KCNIP3: variants seen among roughly 807,000 people sequenced by gnomAD.
KCNIP3 encodes calsenilin.
Under a neutral mutation model 35.0 loss-of-function variants are expected in KCNIP3, and 28 were observed. The ratio of observed to expected loss-of-function variants is 0.80; its 90% CI spans 0.59 to 1.10. The LOEUF is 1.10. Among genes scored for constraint, KCNIP3 ranks in the 50% least tolerant of loss-of-function variants. KCNIP3 has a pLI of 0.00. For synonymous variants in KCNIP3, 134 were observed against 133.8 expected, an observed-to-expected ratio of 1.00 and a Z score of -0.01; for missense variants, 295 against 338.4, an observed-to-expected ratio of 0.87 and a Z score of 1.01.
At chr2:95,383,122 C>CAA in intron 7 of KCNIP3, 110 bp from the exon 8 acceptor site, 4 of 415,478 alleles carry the variant, frequency 9.6e-6, no homozygotes, top group East Asian at 5.5e-5. Context: ...CCCACCCGCC[C>CAA]ATCCACCCAC....
chr2:95,324,337 C>T (rs983626291), intron 2 of KCNIP3, among the ~76,000 whole-genome samples: 2 of 151,618 alleles, frequency 1.3e-5, no homozygotes, highest in African/African-American at 4.8e-5. Flanking sequence ...CGGTGAAACC[C>T]CGTCTCTACT....
chr2:95,337,687 A>G lies in KCNIP3; in HGVS notation c.181+27167A>G, dbSNP rs188722180. Among the ~76,000 whole-genome samples the G allele has an allele frequency of 3.2e-4, 48 of 152,288 alleles. 1 individual carries two copies. The highest frequency in any genetic ancestry group is 1.1e-3 in the African/African-American group (46 of 41,552). ...ATTTTACAGTTGCAGACATTGAGTGATGTTGAGGCTAAGTTACTTGCCCAA... is the reference window on the plus strand; with the variant it reads ...ATTTTACAGTTGCAGACATTGAGTGGTGTTGAGGCTAAGTTACTTGCCCAA... On this transcript the variant is annotated intron_variant, in intron 2 of 8. Coordinates refer to ENST00000295225, the MANE Select transcript of KCNIP3 (RefSeq NM_013434.5).
intron 2 of KCNIP3, among the ~76,000 whole-genome samples, chr2:95,342,979 T>G (rs1302320392): frequency 6.6e-6 from 1 of 151,648 alleles, no homozygotes; most frequent in Non-Finnish European, 1.5e-5. Flanking sequence ...AAGGGCACGG[T>G]CTGATTTTTG....
chr2:95,351,324 G>A (rs1303214976), intron 2 of KCNIP3, among the ~76,000 whole-genome samples: 1 of 152,258 alleles, frequency 6.6e-6, no homozygotes, highest in Non-Finnish European at 1.5e-5. Context: ...GAGCAGACTT[G>A]GGGTGCGAGG....
At chr2:95,327,759 T>C (rs1400159169) in intron 2 of KCNIP3, among the ~76,000 whole-genome samples, 1 of 152,196 alleles carries the variant, frequency 6.6e-6, no homozygotes, top group East Asian at 1.9e-4. Context: ...TCCATCCATC[T>C]GTTTGTCCAT....
chr2:95,326,083 TCATATACACATACACA>T (rs1367763208), intron 2 of KCNIP3, among the ~76,000 whole-genome samples: 4 of 95,978 alleles, frequency 4.2e-5, no homozygotes, highest in South Asian at 3.3e-4. Flanking sequence ...ACTAACACAC[TCATATACACATACACA>T]CATATACACA....
At chr2:95,357,939 CAG>C (rs988574441) in intron 2 of KCNIP3, among the ~76,000 whole-genome samples, 9 of 152,192 alleles carry the variant, frequency 5.9e-5, no homozygotes, top group African/African-American at 2.2e-4. Flanking sequence ...CAGTGTCACA[CAG>C]GGGCATGAAT....
intron 2 of KCNIP3, among the ~76,000 whole-genome samples, chr2:95,351,654 C>T (rs1427917218): frequency 6.6e-6 from 1 of 152,164 alleles, no homozygotes; most frequent in East Asian, 1.9e-4. Context: ...TGCCTGAAAC[C>T]AAAACAAATT....
intron 2 of KCNIP3, among the ~76,000 whole-genome samples, chr2:95,315,303 GAGA>G (rs1214274836): frequency 6.6e-6 from 1 of 152,180 alleles, no homozygotes; most frequent in African/African-American, 2.4e-5. Context: ...TCGGCCCAGG[GAGA>G]AGTTCTTTTA....
At chr2:95,375,822 A>G (rs556136956) in intron 5 of KCNIP3, among the ~76,000 whole-genome samples, 3 of 152,270 alleles carry the variant, frequency 2.0e-5, no homozygotes, top group Non-Finnish European at 4.4e-5. Flanking sequence ...GCGGAGCCCA[A>G]GCCTCTAAAA....
At chr2:95,361,593 C>T (rs1679800398) in intron 2 of KCNIP3, among the ~76,000 whole-genome samples, 2 of 152,218 alleles carry the variant, frequency 1.3e-5, no homozygotes, top group African/African-American at 4.8e-5. Flanking sequence ...CTCTGATTCT[C>T]CTGCCCACTC....
chr2:95,310,364 A>G lies in KCNIP3; in HGVS notation c.25A>G (p.Lys9Glu), dbSNP rs1408675716. ...CCTGTTCCTACTGCAGGAAGTGACA[A>G]AGGCGTCGGACGGCAGCCTCCTGGG... MQPAKEVT[K>E]ASDGSLLGDL... The change falls in exon 2 of 9, where the codon AAG (lysine) becomes GAG (glutamate). Residue 9 changes from lysine to glutamate, a missense_variant. Coordinates refer to ENST00000295225, the MANE Select transcript of KCNIP3 (RefSeq NM_013434.5). 5 of 1,611,432 alleles carry G rather than the reference A, an allele frequency of 3.1e-6. No individual in the cohort carries two copies. The highest frequency in any genetic ancestry group is 3.4e-6 in the Non-Finnish European group (4 of 1,178,142).
intron 2 of KCNIP3, among the ~76,000 whole-genome samples, chr2:95,322,182 A>G (rs1678612890): frequency 6.6e-6 from 1 of 152,124 alleles, no homozygotes. Context: ...TTGGGCACAC[A>G]GTGAGATCCA....
intron 2 of KCNIP3, among the ~76,000 whole-genome samples, chr2:95,359,966 G>A (rs892921730): frequency 6.6e-6 from 1 of 152,230 alleles, no homozygotes; most frequent in Admixed American, 6.5e-5. Flanking sequence ...AGAGCTCTGG[G>A]CCTGTGATGA....
intron 2 of KCNIP3, chr2:95,313,950 TACAC>T (rs1222245347): frequency 2.0e-5 from 3 of 149,764 alleles, no homozygotes; most frequent in Admixed American, 6.7e-5. Context: ...CACACACACA[TACAC>T]ACACAAGCAC....
At chr2:95,346,097 A>C (rs748824650) in intron 2 of KCNIP3, among the ~76,000 whole-genome samples, 31 of 152,232 alleles carry the variant, frequency 2.0e-4, no homozygotes, top group Non-Finnish European at 3.7e-4. Context: ...GCGCGTTTCC[A>C]GAACGGGAGA....
At chr2:95,320,362 G>A (rs913786416) in intron 2 of KCNIP3, among the ~76,000 whole-genome samples, 1 of 152,022 alleles carries the variant, frequency 6.6e-6, no homozygotes, top group African/African-American at 2.4e-5. Flanking sequence ...CCCCTTCTTT[G>A]CTTCAGGACT....
chr2:95,379,713 T>C (rs1322952380), intron 5 of KCNIP3, among the ~76,000 whole-genome samples: 1 of 152,226 alleles, frequency 6.6e-6, no homozygotes, highest in Non-Finnish European at 1.5e-5. Flanking sequence ...TCCTTCAAAG[T>C]TGGGGGTCGC....
chr2:95,326,198 C>T (rs1038672357), intron 2 of KCNIP3, among the ~76,000 whole-genome samples: 8 of 151,444 alleles, frequency 5.3e-5, no homozygotes, highest in African/African-American at 9.7e-5. Flanking sequence ...CACACATACA[C>T]GCACTCATAT....
Sources: allele counts gnomAD v4.1 joint callset (sites outside exome capture counted in the v4.1 genomes callset), GRCh38; gene constraint gnomAD v4.1.1; transcripts MANE v1.5; gene names NCBI Gene and HGNC (gene_info 2026-07-23, HGNC 2026-07-21).